EEF1G: variants seen among roughly 807,000 people sequenced by gnomAD.
EEF1G encodes elongation factor 1-gamma.
A neutral mutation model predicts 58.3 loss-of-function variants in EEF1G; 14 were observed. The observed-to-expected ratio is 0.24, with a 90% CI of 0.16 to 0.38. The LOEUF (loss-of-function observed/expected upper bound fraction) is 0.38. Ranked by LOEUF, EEF1G falls within the 10% of genes least tolerant of loss-of-function variation. The pLI is 1.00. For synonymous variants in EEF1G, 180 were observed against 206.8 expected (o/e 0.87, Z 1.11); for missense variants, 322 against 550.1 (o/e 0.59, Z 4.15).
At chr11:62,562,864 G>A (rs1941514177) in intron 7 of EEF1G, among the ~76,000 whole-genome samples, 3 of 152,024 alleles carry the variant, frequency 2.0e-5, no homozygotes, top group African/African-American at 4.8e-5. Context: ...CTTATACTTT[G>A]TTGTTACTGG....
chr11:62,561,532 T>C (rs567038626), intron 7 of EEF1G, among the ~76,000 whole-genome samples: 50 of 143,090 alleles, frequency 3.5e-4, no homozygotes, highest in African/African-American at 1.1e-3. Context: ...AAAAAAAAAT[T>C]GGTGGCACAC....
rs868263474 is a variant in EEF1G, at chr11:62,561,690, A to C, written c.858-1236T>G. On this transcript the variant is annotated intron_variant, in intron 7 of 9. Coordinates refer to ENST00000329251, the MANE Select transcript of EEF1G (RefSeq NM_001404.5). ...AAAAAACAAAAAAAAAACAAAAAAAAAAAAAACAACCAAAAAACACATATA... is the reference window on the plus strand; with the variant it reads ...AAAAAACAAAAAAAAAACAAAAAAACAAAAAACAACCAAAAAACACATATA... Among the ~76,000 whole-genome samples the C allele has an allele frequency of 4.3e-3, 654 of 151,406 alleles. 8 individuals are homozygous for C. Among genetic ancestry groups the C allele is most frequent in the African/African-American group, 9.3e-3 (384 of 41,112 alleles).
chr11:62,567,666 T>G (rs769382979), intron 5 of EEF1G, 138 bp from the exon 6 acceptor site: 28 of 793,702 alleles, frequency 3.5e-5, no homozygotes, highest in Admixed American at 7.5e-5. Flanking sequence ...TCATACAACA[T>G]CATCCTTCCC....
intron 2 of EEF1G, among the ~76,000 whole-genome samples, 189 bp from the exon 3 acceptor site, chr11:62,572,090 G>A (rs1406039015): frequency 1.3e-5 from 2 of 152,020 alleles, no homozygotes; most frequent in East Asian, 1.9e-4. Flanking sequence ...AATTCACAAT[G>A]TTAACTAGGA....
intron 7 of EEF1G, among the ~76,000 whole-genome samples, chr11:62,563,565 C>A (rs568778864): frequency 3.2e-4 from 48 of 152,298 alleles, no homozygotes; most frequent in Non-Finnish European, 1.3e-4. Flanking sequence ...AAACAGAATT[C>A]TTTGCAAACA....
intron 7 of EEF1G, among the ~76,000 whole-genome samples, chr11:62,565,306 A>C (rs1172748403): frequency 6.6e-6 from 1 of 151,996 alleles, no homozygotes; most frequent in Non-Finnish European, 1.5e-5. Context: ...GGATCGCTTG[A>C]GTACAGGAGG....
chr11:62,572,918 AAGAAC>A, intron 1 of EEF1G, 176 bp from the exon 2 acceptor site: 1 of 552,060 alleles, frequency 1.8e-6, no homozygotes, highest in Non-Finnish European at 3.1e-6. Context: ...CCGAAATACC[AAGAAC>A]AGAACTACAC....
chr11:62,565,314 A>T (rs1412295364), intron 7 of EEF1G, among the ~76,000 whole-genome samples: 3 of 151,936 alleles, frequency 2.0e-5, no homozygotes, highest in Non-Finnish European at 4.4e-5. Context: ...TGAGTACAGG[A>T]GGTCAAGACT....
Position 62,571,021 on chromosome 11 carries a change from G to T in EEF1G, c.466C>A (p.Arg156=). Residue 156 remains arginine (R), a synonymous_variant, in exon 5 of 10, where the codon CGA becomes AGA. Coordinates refer to ENST00000329251, the MANE Select transcript of EEF1G (RefSeq NM_001404.5). ...LKTRTFLVGE[R]VTLADITVVC... is the part of the protein sequence containing the mutation. ...ACTGTGATGTCAGCCAATGTCACTC[G>T]TTCGCCCACCAGAAAAGTCCTCGTC... 1 of 1,613,878 alleles carries T rather than the reference G, an allele frequency of 6.2e-7. No individual in the cohort carries two copies. The highest frequency in any genetic ancestry group is 8.5e-7 in the Non-Finnish European group (1 of 1,179,872).
chr11:62,561,668 A>G (rs1941495911), intron 7 of EEF1G, among the ~76,000 whole-genome samples: 1 of 73,794 alleles, frequency 1.4e-5, no homozygotes, highest in Non-Finnish European at 2.9e-5. Flanking sequence ...CTCAAAAAAA[A>G]AACAAAAAAA....
chr11:62,560,990 AGCCCTT>A (rs1206466686), intron 7 of EEF1G, among the ~76,000 whole-genome samples: 1 of 152,240 alleles, frequency 6.6e-6, no homozygotes, highest in Non-Finnish European at 1.5e-5. Flanking sequence ...GATGCTGGAA[AGCCCTT>A]AGGTTCAGGT....
rs1941623061 is a variant in EEF1G, at chr11:62,570,962, C to T, written c.522+3G>A. 2 of 1,613,828 alleles carry T rather than the reference C, an allele frequency of 1.2e-6. No individual in the cohort carries two copies. Among genetic ancestry groups the T allele is most frequent in the Non-Finnish European group, 1.7e-6 (2 of 1,179,766 alleles). On this transcript the variant is annotated splice_donor_region_variant and intron_variant, in intron 5 of 9. Coordinates refer to ENST00000329251, the MANE Select transcript of EEF1G (RefSeq NM_001404.5). ...TGCCAAATGGATTTTCCATAAACTTCACCTGCTTATAGAGCCACAACAGGG... is the reference window on the plus strand; with the variant it reads ...TGCCAAATGGATTTTCCATAAACTTTACCTGCTTATAGAGCCACAACAGGG...
At chr11:62,571,793 C>T (rs1293800332) in intron 3 of EEF1G, 45 bp downstream of exon 3, 1 of 1,569,836 alleles carries the variant, frequency 6.4e-7, no homozygotes, top group Non-Finnish European at 8.6e-7. Context: ...TCTCCTACAC[C>T]CTCACCTCCA....
chr11:62,560,377 T>C lies in EEF1G; in HGVS notation c.935A>G (p.Glu312Gly). ...GGACCAGCCGTCCTTATCAAAGTGC[T>C]CCCAGAAATATGGCAGTGCCACAGA... ...TLSVALPYFW[E>G]HFDKDGWSLW... is the part of the protein sequence containing the mutation. Residue 312 changes from glutamate (E) to glycine (G), a missense_variant, in exon 8 of 10, where the codon GAG (glutamate) becomes GGG (glycine). Glu to Gly is a moderately conservative substitution (Grantham distance 98). Coordinates refer to ENST00000329251, the MANE Select transcript of EEF1G (RefSeq NM_001404.5). 1 of 1,608,936 alleles carries C rather than the reference T, an allele frequency of 6.2e-7. No homozygotes were observed. The highest frequency in any genetic ancestry group is 8.5e-7 in the Non-Finnish European group (1 of 1,177,474).
rs201889192 is a variant in EEF1G, at chr11:62,573,876, G to C, written c.-34C>G. ...CGCAAAGAAAGGGGGTGGGGTTCTCGGCGCTGCCGCAAAGTAAGCCGCCCG... is the reference window on the plus strand; with the variant it reads ...CGCAAAGAAAGGGGGTGGGGTTCTCCGCGCTGCCGCAAAGTAAGCCGCCCG... On this transcript the variant is annotated 5_prime_UTR_variant, in exon 1 of 10. Transcript: ENST00000329251. 1.7e-5 allele frequency: 28 copies of C among 1,613,450 alleles called. No individual in the cohort carries two copies. In the South Asian group the frequency reaches 2.6e-4, roughly 15 times the overall value.
chr11:62,570,580 G>A (rs866870482), intron 5 of EEF1G, among the ~76,000 whole-genome samples: 5 of 152,146 alleles, frequency 3.3e-5, no homozygotes, highest in South Asian at 2.1e-4. Flanking sequence ...GTTTTGACAC[G>A]AAGTCTCACT....
intron 2 of EEF1G, among the ~76,000 whole-genome samples, chr11:62,572,381 G>T (rs17157391): frequency 6.6e-6 from 1 of 152,226 alleles, no homozygotes; most frequent in East Asian, 1.9e-4. Context: ...GTAAACTCGT[G>T]AATTTTATAA....
At chr11:62,561,367 A>G (rs530174676) in intron 7 of EEF1G, among the ~76,000 whole-genome samples, 93 of 150,634 alleles carry the variant, frequency 6.2e-4, no homozygotes, top group African/African-American at 2.2e-3. Context: ...CGATAGAGGA[A>G]GAGTCCTGTC....
chr11:62,561,427 C>A (rs1393691424), intron 7 of EEF1G, among the ~76,000 whole-genome samples: 1 of 150,106 alleles, frequency 6.7e-6, no homozygotes, highest in Non-Finnish European at 1.5e-5. Context: ...GTAATCCCAA[C>A]ACTTTGGGAG....
Sources: allele counts gnomAD v4.1 joint callset (sites outside exome capture counted in the v4.1 genomes callset), GRCh38; gene constraint gnomAD v4.1.1; transcripts MANE v1.5; gene names NCBI Gene and HGNC (gene_info 2026-07-23, HGNC 2026-07-21).